OTULIN: variants seen among roughly 807,000 people sequenced by gnomAD.
The protein encoded by OTULIN is ubiquitin thioesterase otulin.
In OTULIN, 15 loss-of-function variants were observed where a neutral mutation model predicts 39.6. The observed-to-expected ratio is 0.38, with a 90% CI of 0.25 to 0.58. OTULIN has a LOEUF of 0.58. Ranked by LOEUF, OTULIN falls within the 20% of genes least tolerant of loss-of-function variation. The pLI is 0.66. For missense variants in OTULIN, 319 were observed against 445.9 expected, an observed-to-expected ratio of 0.72 and a Z score of 2.56; for synonymous variants, 156 against 170.3, an observed-to-expected ratio of 0.92 and a Z score of 0.65.
rs539714708 is a variant in OTULIN at position 14,690,903 on chromosome 5, C to G, written c.864+595C>G. 6.6e-6 allele frequency among the ~76,000 whole-genome samples: 1 copy of G among 152,290 alleles called. No homozygotes were observed. Among genetic ancestry groups the G allele is most frequent in the African/African-American group, 2.4e-5 (1 of 41,562 alleles). ...GTGGATGGGATTAGTACTCTTGGCT[C>G]TGGGAGGCTACAAATAAGTGAAGTA... On this transcript the variant is annotated intron_variant, in intron 6 of 6. Coordinates refer to ENST00000284274, the MANE Select transcript of OTULIN (RefSeq NM_138348.6). This position sits in a 1 kb window ranked among gnomAD's most constrained non-coding sequence, Gnocchi z 4.5.
At chr5:14,703,293 C>T (rs1434307727), downstream of OTULIN, among the ~76,000 whole-genome samples, 1 of 133,374 alleles carries the variant, frequency 7.5e-6, no homozygotes, top group Non-Finnish European at 1.6e-5. Context: ...TGCCAACCTT[C>T]CCTGCACCTT....
At chr5:14,710,967 G>GT in the OTULIN span, 10 of 527,810 alleles carry the variant, frequency 1.9e-5, no homozygotes, top group Non-Finnish European at 3.4e-5. Flanking sequence ...GAAGTCAGTT[G>GT]TTTCGTTTGT....
At chr5:14,682,464 A>AT (rs906178282) in intron 4 of OTULIN, among the ~76,000 whole-genome samples, 9 of 152,114 alleles carry the variant, frequency 5.9e-5, no homozygotes, top group African/African-American at 1.2e-4. Context: ...GATCATTAGC[A>AT]TTTTTTTACC....
downstream of OTULIN, among the ~76,000 whole-genome samples, chr5:14,703,908 C>A (rs896662522): frequency 6.6e-6 from 1 of 152,072 alleles, no homozygotes. Flanking sequence ...CAATCCCAAG[C>A]GAGTCTGTAG....
At chr5:14,685,335 C>T (rs938286480) in intron 4 of OTULIN, among the ~76,000 whole-genome samples, 2 of 152,170 alleles carry the variant, frequency 1.3e-5, no homozygotes, top group Non-Finnish European at 2.9e-5. Context: ...AAGCTAATTA[C>T]CTACTTTATT....
At chr5:14,712,314 G>C in the OTULIN span, among the ~76,000 whole-genome samples, 13 of 152,252 alleles carry the variant, frequency 8.5e-5, no homozygotes, top group African/African-American at 3.1e-4. Flanking sequence ...CCCCACCCAT[G>C]TGTCCTCGTT....
In OTULIN at chr5:14,690,047, C is replaced by T. The variant is rs760428710; in HGVS notation, c.603C>T (p.Gly201=). 3.4e-5 allele frequency: 55 copies of T among 1,612,944 alleles called. No individual in the cohort carries two copies. The highest frequency in any genetic ancestry group is 4.4e-5 in the Non-Finnish European group (52 of 1,179,238). Residue 201 remains glycine, a synonymous_variant, in exon 6 of 7, where the codon GGC becomes GGT. Coordinates refer to ENST00000284274, the MANE Select transcript of OTULIN (RefSeq NM_138348.6). The surrounding 1 kb of genome is among the most constrained non-coding windows in gnomAD (Gnocchi z 4.5). ...SLTLLRKKWA[G]LAEMRTAEAR... ...TAACTTTCTTATTGTAGTGGGCAGG[C>T]TTGGCTGAAATGAGAACTGCTGAAG...
chr5:14,680,945 A>G (rs1381773034), intron 3 of OTULIN, among the ~76,000 whole-genome samples: 1 of 152,206 alleles, frequency 6.6e-6, no homozygotes, highest in Admixed American at 6.5e-5. Context: ...CTGTAATCCC[A>G]GTTACTCAGG....
the OTULIN span, among the ~76,000 whole-genome samples, chr5:14,716,198 G>C: frequency 6.6e-6 from 1 of 152,114 alleles, no homozygotes; most frequent in African/African-American, 2.4e-5. Flanking sequence ...TGTAATCACT[G>C]CACTTTTAAA....
At chr5:14,672,413 CT>C (rs1312715827) in intron 1 of OTULIN, among the ~76,000 whole-genome samples, 1 of 152,118 alleles carries the variant, frequency 6.6e-6, no homozygotes, top group Non-Finnish European at 1.5e-5. Flanking sequence ...ACTTCTTCCT[CT>C]TTCCCCCAGC....
At chr5:14,684,986 C>T (rs535808898) in intron 4 of OTULIN, among the ~76,000 whole-genome samples, 1 of 152,332 alleles carries the variant, frequency 6.6e-6, no homozygotes, top group Admixed American at 6.5e-5. Context: ...GCCCAGATCC[C>T]AGTCTCCGTG....
chr5:14,690,395 A>G lies in OTULIN; in HGVS notation c.864+87A>G. ...ATGTCACAGTTTTTGTAGGTCAGAAATTCAGGGACAGCTTAGTTGGATGGT... is the reference window on the plus strand; with the variant it reads ...ATGTCACAGTTTTTGTAGGTCAGAAGTTCAGGGACAGCTTAGTTGGATGGT... On this transcript the variant is annotated intron_variant, in intron 6 of 6. Coordinates refer to ENST00000284274, the MANE Select transcript of OTULIN (RefSeq NM_138348.6). The surrounding 1 kb of genome is among the most constrained non-coding windows in gnomAD (Gnocchi z 4.5). The G allele has an allele frequency of 6.7e-7, 1 of 1,484,882 alleles. No individual in the cohort carries two copies. The highest frequency in any genetic ancestry group is 1.8e-4 in the Middle Eastern group (1 of 5,508). 92.0% of individuals were successfully genotyped at this position (1,484,882 alleles called of 1,614,324 possible).
At chr5:14,707,403 C>T in the OTULIN span, 5 of 152,100 alleles carry the variant, frequency 3.3e-5, no homozygotes, top group African/African-American at 9.7e-5. Flanking sequence ...AGAAGATCCC[C>T]AAATGGGGAA....
In OTULIN at chr5:14,693,981, C is replaced by T. The variant is rs919578881; in HGVS notation, c.*933C>T. The T allele has an allele frequency of 4.6e-5, 7 of 152,186 alleles. No homozygotes were observed. The highest frequency in any genetic ancestry group is 1.7e-4 in the African/African-American group (7 of 41,446). The allele number at this position is 152,186 out of a possible 1,614,324, so 9.4% of individuals were successfully genotyped here. ...TTTATAGCCAAACAGTTTGTATCCA[C>T]CTGCTTTCAGAGGAGGAACCAAAGG... On this transcript the variant is annotated 3_prime_UTR_variant, in exon 7 of 7. Coordinates refer to ENST00000284274, the MANE Select transcript of OTULIN (RefSeq NM_138348.6).
At chr5:14,703,357 A>C (rs1327785040), downstream of OTULIN, among the ~76,000 whole-genome samples, 6 of 136,430 alleles carry the variant, frequency 4.4e-5, no homozygotes, top group Non-Finnish European at 7.8e-5. Context: ...AAAAAAAAAA[A>C]AAAAAACTTA....
intron 4 of OTULIN, among the ~76,000 whole-genome samples, chr5:14,681,922 T>C (rs1736261428): frequency 6.6e-6 from 1 of 152,260 alleles, no homozygotes; most frequent in Admixed American, 6.5e-5. Flanking sequence ...TATATGTTAC[T>C]ATTTGAGAAC....
intron 2 of OTULIN, 54 bp from the exon 3 acceptor site, chr5:14,678,627 C>G: frequency 7.9e-7 from 1 of 1,265,754 alleles, no homozygotes; most frequent in Non-Finnish European, 1.1e-6. Flanking sequence ...AAGCAGTATT[C>G]TGATTATGCT....
chr5:14,703,324 C>CA (rs59779015), downstream of OTULIN, among the ~76,000 whole-genome samples: 23 of 122,096 alleles, frequency 1.9e-4, 1 homozygote, highest in East Asian at 7.4e-4. Context: ...TTAATAGTGT[C>CA]AAAAAAAAAA....
Position 14,699,509 on chromosome 5 carries a change from A to G in OTULIN, c.*6461A>G, listed in dbSNP as rs1004207651. 6.6e-6 allele frequency: 1 copy of G among 152,188 alleles called. No homozygotes were observed. Among genetic ancestry groups the G allele is most frequent in the Non-Finnish European group, 1.5e-5 (1 of 68,054 alleles). The allele number at this position is 152,188 out of a possible 1,614,324, so 9.4% of individuals were successfully genotyped here. On this transcript the variant is annotated 3_prime_UTR_variant, in exon 7 of 7. Transcript: ENST00000284274. ...TCCAGTGGCCCATTCATTTGGATTG[A>G]TACACTTTTTCAGTGTCAGAAATGC...
Sources: allele counts gnomAD v4.1 joint callset (sites outside exome capture counted in the v4.1 genomes callset), GRCh38; gene constraint gnomAD v4.1.1; non-coding constraint Gnocchi (gnomAD v3.1); transcripts MANE v1.5; gene names NCBI Gene and HGNC (gene_info 2026-07-23, HGNC 2026-07-21).